The following GPC1 variants were observed in gnomAD, a reference collection of about 807,000 sequenced individuals.
GPC1 encodes the protein glypican-1.
A neutral mutation model predicts 51.5 loss-of-function variants in GPC1; 26 were observed. The ratio of observed to expected loss-of-function variants is 0.50; its 90% CI spans 0.37 to 0.70. GPC1 has a LOEUF of 0.70. GPC1 is among the 30% of genes least tolerant of loss of function. GPC1 has a pLI of 0.00. For synonymous variants in GPC1, 380 were observed against 348.3 expected (o/e 1.09, Z -1.01); for missense variants, 775 against 800.5 (o/e 0.97, Z 0.38).
chr2:240,459,482 C>T (rs2074198886), intron 2 of GPC1, among the ~76,000 whole-genome samples: 1 of 152,174 alleles, frequency 6.6e-6, no homozygotes, highest in South Asian at 2.1e-4. Flanking sequence ...AGGCTCCTGT[C>T]ACCAGCAGAT....
rs2228330 is a variant in GPC1 at position 240,466,068 on chromosome 2, C to T, written c.1455C>T (p.Gly485=). 329,515 of 1,605,334 alleles carry T rather than the reference C, an allele frequency of 0.21. 35,996 individuals carry two copies. Among genetic ancestry groups the T allele is most frequent in the Non-Finnish European group, 0.22 (263,625 of 1,173,876 alleles). ...TCCTCTCCTTCCCAGGTGACGACGG[C>T]AGCGGCTCGGGCAGCGGTGATGGCT... is the stretch of plus-strand genomic sequence containing the variant. The part of the protein sequence containing the change: ...DVDFQDASDD[G]SGSGSGDGCL... Residue 485 remains glycine, a synonymous_variant, in exon 9 of 9, where the codon GGC becomes GGT. Transcript: ENST00000264039.
chr2:240,437,648 C>T (rs940592533), intron 1 of GPC1, among the ~76,000 whole-genome samples: 3 of 152,224 alleles, frequency 2.0e-5, no homozygotes, highest in African/African-American at 4.8e-5. Context: ...TTCTCTGCCC[C>T]TCTACTCACA....
In GPC1 at chr2:240,465,063, C is replaced by T; in HGVS notation, c.1135-14C>T. On this transcript the variant is annotated splice_polypyrimidine_tract_variant and intron_variant, in intron 6 of 8. Transcript: ENST00000264039. ...GGGCCCTGGCAGCCCAGTGGCCTGA[C>T]TGCTGCCCCACAGGTCTCCGAAGCC... 7 of 1,596,090 alleles carry T rather than the reference C, an allele frequency of 4.4e-6. No individual in the cohort carries two copies. Among genetic ancestry groups the T allele is most frequent in the South Asian group, 1.1e-5 (1 of 88,562 alleles).
intron 1 of GPC1, among the ~76,000 whole-genome samples, chr2:240,440,123 C>T (rs1382791417): frequency 6.6e-6 from 1 of 152,204 alleles, no homozygotes. Context: ...CTGTGCACCT[C>T]GTGGGCAGCC....
chr2:240,446,648 C>T (rs957930904), intron 1 of GPC1, among the ~76,000 whole-genome samples: 5 of 152,212 alleles, frequency 3.3e-5, no homozygotes, highest in Non-Finnish European at 5.9e-5. Flanking sequence ...TTGTCCTGTC[C>T]TCGGCCTCCC....
At chr2:240,446,776 G>A (rs760581190) in intron 1 of GPC1, among the ~76,000 whole-genome samples, 44 of 152,218 alleles carry the variant, frequency 2.9e-4, no homozygotes, top group Non-Finnish European at 3.5e-4. Context: ...GAGGACCAGA[G>A]AGGAGACTTG....
intron 2 of GPC1, among the ~76,000 whole-genome samples, chr2:240,460,120 G>A (rs1416357876): frequency 6.6e-6 from 1 of 152,064 alleles, no homozygotes; most frequent in East Asian, 1.9e-4. Context: ...GGGAGAGTCT[G>A]CCTGTCCCCA....
At chr2:240,465,231 C>T (rs765990271) in intron 7 of GPC1, 21 bp downstream of exon 7, 1 of 1,588,456 alleles carries the variant, frequency 6.3e-7, no homozygotes, top group East Asian at 2.2e-5. Flanking sequence ...ACCTGGCTGG[C>T]ACAGCCCTCC....
At chr2:240,457,584 C>T (rs1225244863) in intron 1 of GPC1, 10 of 421,354 alleles carry the variant, frequency 2.4e-5, no homozygotes, top group African/African-American at 8.1e-5. Flanking sequence ...GCACTGCCTG[C>T]GCTGCTCCAG....
intron 1 of GPC1, among the ~76,000 whole-genome samples, chr2:240,445,177 C>T (rs911400800): frequency 6.6e-6 from 1 of 152,202 alleles, no homozygotes; most frequent in Non-Finnish European, 1.5e-5. Flanking sequence ...TGGCCTCACA[C>T]CCAGGATGGT....
intron 1 of GPC1, among the ~76,000 whole-genome samples, chr2:240,445,615 C>T (rs2074044449): frequency 6.6e-6 from 1 of 152,214 alleles, no homozygotes; most frequent in African/African-American, 2.4e-5. Context: ...ATGCATCCAT[C>T]CTTCTGTGGG....
rs986505142 is a variant in GPC1, at chr2:240,448,079, T to G, written c.167-10951T>G. 1.3e-5 allele frequency among the ~76,000 whole-genome samples: 2 copies of G among 152,002 alleles called. No individual in the cohort carries two copies. Among genetic ancestry groups the G allele is most frequent in the East Asian group, 1.9e-4 (1 of 5,178 alleles). ...GTGACAGTGGAACGGCCGGAGGCGC[T>G]CTCGAGCCCGCCTTGAGGGTGGCAG... On this transcript the variant is annotated intron_variant, in intron 1 of 8. Transcript: ENST00000264039. This position sits in a 1 kb window ranked among gnomAD's most constrained non-coding sequence, Gnocchi z 4.5.
At chr2:240,436,676 G>A (rs917661442) in intron 1 of GPC1, among the ~76,000 whole-genome samples, 1 of 152,254 alleles carries the variant, frequency 6.6e-6, no homozygotes, top group African/African-American at 2.4e-5. Flanking sequence ...GTAGTGCGGA[G>A]GGGTGGGGAG....
At chr2:240,453,564 C>G (rs1410005655) in intron 1 of GPC1, among the ~76,000 whole-genome samples, 14 of 135,592 alleles carry the variant, frequency 1.0e-4, no homozygotes, top group Non-Finnish European at 2.1e-4. Context: ...CCCGTGCCTG[C>G]CGCACCCGCT....
intron 1 of GPC1, chr2:240,451,852 C>T (rs557915923): frequency 6.5e-6 from 1 of 153,732 alleles, no homozygotes; most frequent in African/African-American, 2.4e-5. Context: ...ACCGCCCAGA[C>T]CTGGCGTCTG....
chr2:240,438,739 G>T (rs1392766671), intron 1 of GPC1, among the ~76,000 whole-genome samples: 1 of 152,212 alleles, frequency 6.6e-6, no homozygotes, highest in Non-Finnish European at 1.5e-5. Context: ...CATGAAAGAG[G>T]GCAGTGTCGG....
At chr2:240,455,190 C>T (rs2074146062) in intron 1 of GPC1, among the ~76,000 whole-genome samples, 1 of 152,126 alleles carries the variant, frequency 6.6e-6, no homozygotes, top group Non-Finnish European at 1.5e-5. Flanking sequence ...GAACTGGAGA[C>T]TCTGGGTTTG....
chr2:240,466,337 A>T lies in GPC1; in HGVS notation c.*47A>T, dbSNP rs1200346357. 2.9e-6 allele frequency: 3 copies of T among 1,052,418 alleles called. No individual in the cohort carries two copies. The highest frequency in any genetic ancestry group is 4.4e-6 in the Non-Finnish European group (3 of 678,534). 65.2% of individuals were successfully genotyped at this position (1,052,418 alleles called of 1,614,324 possible). ...AGAGGCCAAGGACTGACTTTGCCAAAAATACAACACAGACGATATTTAATT... is the reference window on the plus strand; with the variant it reads ...AGAGGCCAAGGACTGACTTTGCCAATAATACAACACAGACGATATTTAATT... On this transcript the variant is annotated 3_prime_UTR_variant, in exon 9 of 9. Coordinates refer to ENST00000264039, the MANE Select transcript of GPC1 (RefSeq NM_002081.3).
intron 1 of GPC1, 93 bp downstream of exon 1, chr2:240,436,177 G>A: frequency 1.1e-6 from 1 of 897,918 alleles, no homozygotes; most frequent in Non-Finnish European, 1.5e-6. Flanking sequence ...CCCCCGGCGC[G>A]GGATCCTGCC....
Sources: allele counts gnomAD v4.1 joint callset (sites outside exome capture counted in the v4.1 genomes callset), GRCh38; gene constraint gnomAD v4.1.1; non-coding constraint Gnocchi (gnomAD v3.1); transcripts MANE v1.5; gene names NCBI Gene and HGNC (gene_info 2026-07-23, HGNC 2026-07-21).